The following CCDC170 variants were observed in gnomAD, a reference collection of about 807,000 sequenced individuals.
The protein encoded by CCDC170 is coiled-coil domain-containing protein 170.
In CCDC170, 69 loss-of-function variants were observed where a neutral mutation model predicts 72.6. The ratio of observed to expected loss-of-function variants is 0.95; its 90% CI spans 0.78 to 1.16. The LOEUF is 1.16. Ranked by LOEUF, CCDC170 falls within the 50% of genes most tolerant of loss-of-function variation. CCDC170 has a pLI of 0.00. For missense variants in CCDC170, 852 were observed against 832.5 expected (o/e 1.02, Z -0.29); for synonymous variants, 300 against 303.9 (o/e 0.99, Z 0.13).
intron 1 of CCDC170, among the ~76,000 whole-genome samples, chr6:151,494,405 G>A (rs1781879517): frequency 6.6e-6 from 1 of 152,214 alleles, no homozygotes; most frequent in Non-Finnish European, 1.5e-5. Flanking sequence ...TGAATTTTAG[G>A]TTGTGCCACT....
chr6:151,512,995 A>G (rs1227940110), intron 1 of CCDC170, among the ~76,000 whole-genome samples: 1 of 152,196 alleles, frequency 6.6e-6, no homozygotes, highest in East Asian at 1.9e-4. Context: ...ATGTGTATCA[A>G]AACAATTTTT....
intron 5 of CCDC170, among the ~76,000 whole-genome samples, chr6:151,560,546 T>C (rs2115072571): frequency 6.6e-6 from 1 of 152,308 alleles, no homozygotes; most frequent in South Asian, 2.1e-4. Context: ...ATCTGCCTAT[T>C]GCTGTCAATG....
At chr6:151,503,346 G>A (rs992030064) in intron 1 of CCDC170, among the ~76,000 whole-genome samples, 2 of 152,254 alleles carry the variant, frequency 1.3e-5, no homozygotes, top group Admixed American at 1.3e-4. Context: ...GGGTGGGTAG[G>A]GTTGGCTCCC....
At chr6:151,592,667 G>A (rs889077229) in intron 7 of CCDC170, among the ~76,000 whole-genome samples, 2 of 152,120 alleles carry the variant, frequency 1.3e-5, no homozygotes, top group Admixed American at 6.5e-5. Context: ...CACAACATGT[G>A]GGAATTATGG....
intron 5 of CCDC170, among the ~76,000 whole-genome samples, chr6:151,558,237 T>TG (rs1211925182): frequency 1.3e-5 from 2 of 148,658 alleles, no homozygotes; most frequent in Admixed American, 1.3e-4. Flanking sequence ...TTAGTGTTTT[T>TG]TTTTTTTTTT....
intron 9 of CCDC170, among the ~76,000 whole-genome samples, chr6:151,608,674 CT>C: frequency 6.6e-6 from 1 of 152,230 alleles, no homozygotes; most frequent in South Asian, 2.1e-4. Context: ...GCATGGCAGG[CT>C]GTTCCTTGGG....
At chr6:151,529,021 C>T (rs1389551890) in intron 1 of CCDC170, among the ~76,000 whole-genome samples, 1 of 152,048 alleles carries the variant, frequency 6.6e-6, no homozygotes, top group Non-Finnish European at 1.5e-5. Flanking sequence ...CGCCTCTCAC[C>T]ACAACTCCAA....
intron 9 of CCDC170, among the ~76,000 whole-genome samples, chr6:151,611,044 G>A (rs934234710): frequency 8.5e-5 from 13 of 152,152 alleles, no homozygotes; most frequent in Non-Finnish European, 1.8e-4. Context: ...TTGGGAGGTT[G>A]AGGTGGGCGG....
intron 6 of CCDC170, among the ~76,000 whole-genome samples, chr6:151,578,668 C>T (rs1243342413): frequency 6.6e-6 from 1 of 152,118 alleles, no homozygotes; most frequent in Non-Finnish European, 1.5e-5. Flanking sequence ...TTGAGATGAA[C>T]AGAGGAGGTG....
At chr6:151,605,938 G>T (rs913387846) in intron 9 of CCDC170, among the ~76,000 whole-genome samples, 6 of 141,584 alleles carry the variant, frequency 4.2e-5, no homozygotes. Context: ...GTCTTACTCT[G>T]TTGTCCAGGC....
intron 5 of CCDC170, among the ~76,000 whole-genome samples, chr6:151,572,659 T>TTTTTTC: frequency 7.9e-6 from 1 of 125,888 alleles, no homozygotes; most frequent in South Asian, 2.4e-4. Context: ...GTTTTTTTTT[T>TTTTTTC]TTTTTTTTTT....
intron 6 of CCDC170, among the ~76,000 whole-genome samples, chr6:151,582,631 A>T (rs1451081489): frequency 1.3e-5 from 2 of 152,212 alleles, no homozygotes; most frequent in African/African-American, 2.4e-5. Context: ...TATTTGGCTC[A>T]TGGTTCTGCA....
At chr6:151,538,544 A>G (rs1782629986) in intron 3 of CCDC170, among the ~76,000 whole-genome samples, 2 of 152,260 alleles carry the variant, frequency 1.3e-5, no homozygotes, top group African/African-American at 4.8e-5. Flanking sequence ...TAGCCTATCA[A>G]TTAGGGCTGC....
intron 9 of CCDC170, among the ~76,000 whole-genome samples, chr6:151,609,006 C>T (rs1776828340): frequency 6.6e-6 from 1 of 152,160 alleles, no homozygotes; most frequent in Non-Finnish European, 1.5e-5. Context: ...TGGGAAGTCT[C>T]TCTTTGCTCC....
At chr6:151,574,019 A>C (rs797002093) in intron 6 of CCDC170, among the ~76,000 whole-genome samples, 8 of 152,314 alleles carry the variant, frequency 5.3e-5, no homozygotes, top group African/African-American at 1.7e-4. Context: ...CAATGTAGTC[A>C]CTTGAGGCCA....
intron 1 of CCDC170, among the ~76,000 whole-genome samples, chr6:151,532,534 G>A (rs1782504697): frequency 6.6e-6 from 1 of 151,828 alleles, no homozygotes. Context: ...TGGAATCTGG[G>A]AGGTGAAAGT....
chr6:151,596,743 C>A, intron 9 of CCDC170, 166 bp downstream of exon 9: 1 of 909,478 alleles, frequency 1.1e-6, no homozygotes, highest in Non-Finnish European at 1.6e-6. Context: ...AATCAGGGTA[C>A]ATATCCATTC....
At chr6:151,589,895 C>T (rs1162034258) in intron 7 of CCDC170, among the ~76,000 whole-genome samples, 1 of 152,138 alleles carries the variant, frequency 6.6e-6, no homozygotes, top group Admixed American at 6.5e-5. Flanking sequence ...AACTCAGAAG[C>T]CTTCTGGGAG....
chr6:151,529,435 G>C (rs1782460816), intron 1 of CCDC170, among the ~76,000 whole-genome samples: 1 of 152,072 alleles, frequency 6.6e-6, no homozygotes, highest in South Asian at 2.1e-4. Context: ...GTGGTGGGAG[G>C]ATCACGAGGT....
Sources: gnomAD v4.1 joint callset for allele counts (sites outside exome capture counted in the v4.1 genomes callset) on GRCh38, gnomAD v4.1.1 for gene constraint, MANE v1.5 for transcripts, NCBI Gene and HGNC (gene_info 2026-07-23, HGNC 2026-07-21) for gene names.